PCDHAC2: variants seen among roughly 807,000 people sequenced by gnomAD.
PCDHAC2 encodes the protein protocadherin alpha subfamily C, 2, also known as protocadherin alpha-C2.
In PCDHAC2, 24 loss-of-function variants were observed where a neutral mutation model predicts 63.3. The ratio of observed to expected loss-of-function variants is 0.38; its 90% CI spans 0.27 to 0.53. PCDHAC2 has a LOEUF of 0.53. Ranked by LOEUF, PCDHAC2 falls within the 20% of genes least tolerant of loss-of-function variation. PCDHAC2 has a pLI of 0.81. For missense variants in PCDHAC2, 1,181 were observed against 1,275.2 expected, an observed-to-expected ratio of 0.93 and a Z score of 1.12; for synonymous variants, 569 against 529.4, an observed-to-expected ratio of 1.07 and a Z score of -1.03.
chr5:140,975,396 A>G (rs1366048936), intron 1 of PCDHAC2, among the ~76,000 whole-genome samples: 2 of 152,248 alleles, frequency 1.3e-5, no homozygotes, highest in African/African-American at 4.8e-5. Flanking sequence ...GATCCATCAC[A>G]ATCACAGTCT....
At chr5:140,989,109 A>C (rs2097330096) in intron 3 of PCDHAC2, 2 of 152,240 alleles carry the variant, frequency 1.3e-5, no homozygotes, top group African/African-American at 4.8e-5. Context: ...CAACTTTTGA[A>C]TATATCTTAG....
chr5:141,002,273 AC>A (rs748746747), intron 3 of PCDHAC2, among the ~76,000 whole-genome samples: 69 of 152,308 alleles, frequency 4.5e-4, no homozygotes, highest in Non-Finnish European at 9.1e-4. Flanking sequence ...AGAGCTGGTA[AC>A]AAAGGGATGA....
chr5:141,006,350 T>G (rs1254086807), intron 3 of PCDHAC2, among the ~76,000 whole-genome samples: 2 of 152,086 alleles, frequency 1.3e-5, no homozygotes, highest in Non-Finnish European at 2.9e-5. Flanking sequence ...TAGCTGGGAC[T>G]ATAGGCGCCC....
At chr5:141,006,299 C>T (rs2098266808) in intron 3 of PCDHAC2, among the ~76,000 whole-genome samples, 1 of 152,064 alleles carries the variant, frequency 6.6e-6, no homozygotes, top group Non-Finnish European at 1.5e-5. Flanking sequence ...GCAAGCTCCA[C>T]TTCCCGGGTT....
chr5:140,978,989 T>G lies in PCDHAC2; in HGVS notation c.2606T>G (p.Leu869Arg). 1 of 1,614,212 alleles carries G rather than the reference T, an allele frequency of 6.2e-7. No individual in the cohort carries two copies. Among genetic ancestry groups the G allele is most frequent in the Non-Finnish European group, 8.5e-7 (1 of 1,180,034 alleles). Residue 869 changes from leucine to arginine, a missense_variant, in exon 2 of 4, where the codon CTG (leucine) becomes CGG (arginine). Transcript: ENST00000289269. Reference protein sequence around the residue: ...PNPDWRYSASLRAGMHSSVHL... With the variant: ...PNPDWRYSASRRAGMHSSVHL... ...CCTGACTGGCGTTACTCTGCCTCCC[T>G]GAGAGCAGGCATGCACAGGTATGTA...
In PCDHAC2 at chr5:140,969,045, C is replaced by A. The variant is rs782611179; in HGVS notation, c.2279C>A (p.Ala760Asp). Reference sequence around the variant, plus strand: ...TCCCCTGCAGAACTGTACAAACAAGCCAACAACAATATTGATGCCAGGATA... The same window carrying A: ...TCCCCTGCAGAACTGTACAAACAAGACAACAACAATATTGATGCCAGGATA... ...ERSPAELYKQ[A>D]NNNIDARIPH... Residue 760 changes from alanine to aspartate, a missense_variant, in exon 1 of 4, where the codon GCC (alanine) becomes GAC (aspartate). By Grantham distance (126) the Ala-to-Asp change is moderately radical. Transcript: ENST00000289269. 6.2e-7 allele frequency: 1 copy of A among 1,614,090 alleles called. No individual in the cohort carries two copies. Among genetic ancestry groups the A allele is most frequent in the Admixed American group, 1.7e-5 (1 of 60,026 alleles).
chr5:141,007,037 T>C (rs1413139986), intron 3 of PCDHAC2, among the ~76,000 whole-genome samples: 1 of 152,170 alleles, frequency 6.6e-6, no homozygotes, highest in Non-Finnish European at 1.5e-5. Flanking sequence ...TTTATATCTA[T>C]GGATATGGCT....
rs1554263662 is a variant in PCDHAC2 at position 141,011,810 on chromosome 5, G to A, written c.*1873G>A. The A allele has an allele frequency of 6.5e-6, 1 of 153,716 alleles. No individual in the cohort carries two copies. The highest frequency in any genetic ancestry group is 1.9e-4 in the East Asian group (1 of 5,198). 9.5% of individuals were successfully genotyped at this position (153,716 alleles called of 1,614,324 possible). ...ATGGTATCTGAAATATCAGCTCATA[G>A]AAAGTAACAAAATTTGCTGTCACCT... On this transcript the variant is annotated 3_prime_UTR_variant, in exon 4 of 4. Coordinates refer to ENST00000289269, the MANE Select transcript of PCDHAC2 (RefSeq NM_018899.6).
At chr5:140,994,355 G>A (rs2097616615) in intron 3 of PCDHAC2, among the ~76,000 whole-genome samples, 2 of 152,240 alleles carry the variant, frequency 1.3e-5, no homozygotes, top group South Asian at 4.1e-4. Flanking sequence ...TGGGACCTCA[G>A]AAGATGGAAT....
rs2153748360 is a variant in PCDHAC2, at chr5:140,966,666, C to T, written c.-101C>T. 5.6e-6 allele frequency: 7 copies of T among 1,259,308 alleles called. No individual in the cohort carries two copies. Among genetic ancestry groups the T allele is most frequent in the Non-Finnish European group, 7.2e-6 (7 of 970,168 alleles). 78.0% of individuals were successfully genotyped at this position (1,259,308 alleles called of 1,614,324 possible). On this transcript the variant is annotated 5_prime_UTR_variant, in exon 1 of 4. Coordinates refer to ENST00000289269, the MANE Select transcript of PCDHAC2 (RefSeq NM_018899.6). ...AGAGCGTGAGCGGTGGGGGAGCAGG[C>T]GCAGGGTGGCACGAGCGGAGGCGGG... is the stretch of plus-strand genomic sequence containing the variant.
intron 3 of PCDHAC2, among the ~76,000 whole-genome samples, chr5:141,006,649 G>A (rs1377970510): frequency 2.6e-5 from 4 of 152,176 alleles, no homozygotes; most frequent in Admixed American, 2.0e-4. Context: ...AGAGATGATG[G>A]TGTCCTGAAA....
intron 3 of PCDHAC2, among the ~76,000 whole-genome samples, chr5:140,990,557 A>G (rs782726055): frequency 2.0e-5 from 3 of 152,166 alleles, no homozygotes; most frequent in Non-Finnish European, 4.4e-5. Flanking sequence ...TTACCCAAGA[A>G]CACACACCTG....
intron 3 of PCDHAC2, 123 bp downstream of exon 3, chr5:140,982,686 C>T: frequency 2.8e-6 from 4 of 1,418,870 alleles, no homozygotes; most frequent in Non-Finnish European, 3.7e-6. Context: ...TCCCTTTTTT[C>T]CATACATACA....
At chr5:141,000,393 C>CTATAAATATA (rs1563650230) in intron 3 of PCDHAC2, among the ~76,000 whole-genome samples, 1 of 52,856 alleles carries the variant, frequency 1.9e-5, no homozygotes, top group African/African-American at 9.2e-5. Flanking sequence ...CTCTCTCTCT[C>CTATAAATATA]TCTATATATA....
chr5:140,986,218 T>A (rs2153838096), intron 3 of PCDHAC2, among the ~76,000 whole-genome samples: 1 of 152,304 alleles, frequency 6.6e-6, no homozygotes, highest in Non-Finnish European at 1.5e-5. Flanking sequence ...GGCCCCTTTC[T>A]CTAGCCTCCC....
chr5:140,989,132 C>T (rs943262599), intron 3 of PCDHAC2: 2 of 152,216 alleles, frequency 1.3e-5, no homozygotes, highest in Admixed American at 1.3e-4. Context: ...AAATAAGACA[C>T]TTTATCCCTT....
intron 3 of PCDHAC2, among the ~76,000 whole-genome samples, chr5:140,990,438 T>C (rs2097393735): frequency 2.0e-5 from 3 of 152,222 alleles, no homozygotes; most frequent in Admixed American, 2.0e-4. Context: ...CCCAATCTTG[T>C]GTCCAGAGCT....
At chr5:141,009,538 C>T (rs1159631714) in intron 3 of PCDHAC2, 89 bp from the exon 4 acceptor site, 11 of 1,522,362 alleles carry the variant, frequency 7.2e-6, no homozygotes, top group African/African-American at 1.4e-5. Context: ...GTTCAGCCTG[C>T]CTATGCAGTA....
At chr5:141,000,412 TATA>T (rs2097919742) in intron 3 of PCDHAC2, among the ~76,000 whole-genome samples, 3 of 102,806 alleles carry the variant, frequency 2.9e-5, no homozygotes, top group African/African-American at 7.7e-5. Flanking sequence ...TATATATATA[TATA>T]TATATATTTT....
Sources: allele counts gnomAD v4.1 joint callset (sites outside exome capture counted in the v4.1 genomes callset), GRCh38; gene constraint gnomAD v4.1.1; transcripts MANE v1.5; gene names NCBI Gene and HGNC (gene_info 2026-07-23, HGNC 2026-07-21).